Variants in CIMIP6 observed in about 807,000 individuals in gnomAD.
CIMIP6 encodes uncharacterized protein C2orf73.
chr2:54,369,336 G>A, the CIMIP6 span, among the ~76,000 whole-genome samples: 1 of 152,058 alleles, frequency 6.6e-6, no homozygotes, highest in East Asian at 1.9e-4. Context: ...ACATCACTGG[G>A]GAGACAGCTT....
chr2:54,359,460 T>C, the CIMIP6 span, among the ~76,000 whole-genome samples: 1 of 151,994 alleles, frequency 6.6e-6, no homozygotes, highest in African/African-American at 2.4e-5. Flanking sequence ...TTGAAATAAT[T>C]TGTGTAAAAT....
At chr2:54,359,407 T>A in the CIMIP6 span, among the ~76,000 whole-genome samples, 1 of 152,006 alleles carries the variant, frequency 6.6e-6, no homozygotes, top group African/African-American at 2.4e-5. Flanking sequence ...AATCCAAACA[T>A]AATAATTTGA....
At chr2:54,358,470 T>C in the CIMIP6 span, among the ~76,000 whole-genome samples, 4 of 152,234 alleles carry the variant, frequency 2.6e-5, no homozygotes, top group South Asian at 8.3e-4. Flanking sequence ...GGTGCAGTCA[T>C]GGCTCACTGC....
At chr2:54,365,825 A>T in the CIMIP6 span, among the ~76,000 whole-genome samples, 4 of 152,270 alleles carry the variant, frequency 2.6e-5, no homozygotes, top group African/African-American at 4.8e-5. Context: ...TCTAATTTTT[A>T]AAAAACTTAA....
chr2:54,360,221 CAGAG>C, the CIMIP6 span: 17 of 1,593,892 alleles, frequency 1.1e-5, no homozygotes, highest in Non-Finnish European at 1.4e-5. Context: ...AGCTTTTGTA[CAGAG>C]AGAGATAAAA....
chr2:54,368,701 T>C, the CIMIP6 span, among the ~76,000 whole-genome samples: 2 of 152,130 alleles, frequency 1.3e-5, no homozygotes, highest in Non-Finnish European at 1.5e-5. Context: ...CACACAGCTG[T>C]CAACCATGTC....
the CIMIP6 span, among the ~76,000 whole-genome samples, chr2:54,345,487 G>A: frequency 6.6e-6 from 1 of 152,202 alleles, no homozygotes; most frequent in Non-Finnish European, 1.5e-5. Context: ...TTGAGAAAGA[G>A]AAGGAAGGTC....
chr2:54,357,886 C>A, the CIMIP6 span, among the ~76,000 whole-genome samples: 1 of 151,972 alleles, frequency 6.6e-6, no homozygotes, highest in Non-Finnish European at 1.5e-5. Flanking sequence ...CGCCCAGCCA[C>A]ATACATATTT....
the CIMIP6 span, among the ~76,000 whole-genome samples, chr2:54,347,697 C>G: frequency 6.6e-6 from 1 of 152,080 alleles, no homozygotes; most frequent in East Asian, 1.9e-4. Flanking sequence ...GAGAGAAATC[C>G]TCCAAACCTC....
the CIMIP6 span, among the ~76,000 whole-genome samples, chr2:54,337,000 T>A: frequency 4.6e-5 from 7 of 152,308 alleles, no homozygotes; most frequent in South Asian, 1.0e-3. Flanking sequence ...CAGGCAAGTG[T>A]TCAACAGATG....
the CIMIP6 span, among the ~76,000 whole-genome samples, chr2:54,349,888 G>A: frequency 6.9e-6 from 1 of 145,416 alleles, no homozygotes; most frequent in African/African-American, 2.6e-5. Context: ...TCGCTCTGTC[G>A]CCCAGGCTGG....
chr2:54,381,897 G>A, the CIMIP6 span: 10 of 1,550,616 alleles, frequency 6.4e-6, no homozygotes, highest in South Asian at 1.2e-5. Context: ...CTGTGCCACA[G>A]TGCAGGAAGA....
the CIMIP6 span, among the ~76,000 whole-genome samples, chr2:54,341,786 G>C: frequency 6.6e-6 from 1 of 152,144 alleles, no homozygotes; most frequent in African/African-American, 2.4e-5. Context: ...ATATAAGTAA[G>C]ACAAGACCTA....
the CIMIP6 span, among the ~76,000 whole-genome samples, chr2:54,352,708 T>A: frequency 0.015 from 2,298 of 152,310 alleles, 65 homozygotes; most frequent in African/African-American, 0.053. Flanking sequence ...GTTCCTTATA[T>A]AAAGTAGTGT....
At chr2:54,333,382 A>G in the CIMIP6 span, among the ~76,000 whole-genome samples, 2 of 152,302 alleles carry the variant, frequency 1.3e-5, no homozygotes, top group South Asian at 4.2e-4. Flanking sequence ...GAGCTGGGGA[A>G]GAGCTGTCCA....
the CIMIP6 span, among the ~76,000 whole-genome samples, chr2:54,333,009 G>A: frequency 3.3e-5 from 5 of 152,108 alleles, no homozygotes; most frequent in African/African-American, 1.2e-4. Context: ...GTACTGGAGG[G>A]GTGGTTGAGG....
the CIMIP6 span, among the ~76,000 whole-genome samples, chr2:54,361,886 T>G: frequency 6.6e-6 from 1 of 152,080 alleles, no homozygotes; most frequent in Non-Finnish European, 1.5e-5. Context: ...TCCTCCAAAG[T>G]AGAAAGATAG....
the CIMIP6 span, among the ~76,000 whole-genome samples, chr2:54,382,778 A>G: frequency 2.3e-4 from 35 of 152,358 alleles, no homozygotes; most frequent in African/African-American, 8.2e-4. Flanking sequence ...AACAGAATGC[A>G]GACAGAAGTG....
At chr2:54,363,398 T>C in the CIMIP6 span, among the ~76,000 whole-genome samples, 2 of 152,160 alleles carry the variant, frequency 1.3e-5, no homozygotes, top group Admixed American at 6.5e-5. Flanking sequence ...ATGCCACAGT[T>C]ACCCTGGCTT....
Sources: allele counts gnomAD v4.1 joint callset (sites outside exome capture counted in the v4.1 genomes callset), GRCh38; gene constraint gnomAD v4.1.1; transcripts MANE v1.5; gene names NCBI Gene and HGNC (gene_info 2026-07-23, HGNC 2026-07-21).